The following FLRT1 variants were observed in gnomAD, a reference collection of about 807,000 sequenced individuals.
FLRT1 encodes fibronectin leucine rich transmembrane protein 1.
FLRT1 carries 14 observed loss-of-function variants against 30.9 expected under a neutral mutation model. The ratio of observed to expected loss-of-function variants is 0.45; its 90% confidence interval spans 0.30 to 0.71. The LOEUF is 0.71. Among genes scored for constraint, FLRT1 ranks in the 30% least tolerant of loss-of-function variants. The pLI is 0.08. For synonymous variants in FLRT1, 368 were observed against 430.4 expected (o/e 0.85, Z 1.80); for missense variants, 737 against 949.2 (o/e 0.78, Z 2.94).
chr11:64,040,918 C>T (rs955159464), intron 1 of FLRT1, among the ~76,000 whole-genome samples: 7 of 152,104 alleles, frequency 4.6e-5, no homozygotes, highest in African/African-American at 1.7e-4. Context: ...GGCCAGGCCC[C>T]AGGTGTGGCA....
intron 1 of FLRT1, among the ~76,000 whole-genome samples, chr11:64,041,220 A>G (rs974227381): frequency 6.7e-6 from 1 of 149,098 alleles, no homozygotes; most frequent in Non-Finnish European, 1.5e-5. Flanking sequence ...AAAAAAAAAA[A>G]AAAAAAAAAG....
intron 1 of FLRT1, among the ~76,000 whole-genome samples, chr11:64,089,207 G>A (rs1219647929): frequency 6.6e-6 from 1 of 152,214 alleles, no homozygotes; most frequent in Non-Finnish European, 1.5e-5. Context: ...GCTCTGCTGA[G>A]GGGCTGGCAT....
At chr11:64,046,504 C>A (rs1014186348) in intron 1 of FLRT1, among the ~76,000 whole-genome samples, 1 of 152,172 alleles carries the variant, frequency 6.6e-6, no homozygotes, top group African/African-American at 2.4e-5. Context: ...TGGGACCCTG[C>A]GCTGTGCTCC....
rs1416537873 is a variant in FLRT1, at chr11:64,082,280, T to G, written c.-1037-20914T>G. Among the ~76,000 whole-genome samples, 1 of 151,422 alleles carries G rather than the reference T, an allele frequency of 6.6e-6. No homozygotes were observed. Among genetic ancestry groups the G allele is most frequent in the Non-Finnish European group, 1.5e-5 (1 of 67,848 alleles). ...GGCTGAGCCTGGGGGGTGGAGAAAA[T>G]CTTGCCTCCTGCTCTGAGCAGCCAG... On this transcript the variant is annotated intron_variant, in intron 1 of 2. Coordinates refer to ENST00000682287, the MANE Select transcript of FLRT1 (RefSeq NM_013280.5). The surrounding 1 kb of genome is among the most constrained non-coding windows in gnomAD (Gnocchi z 4.5).
At chr11:64,089,666 G>A (rs1259115643) in intron 1 of FLRT1, among the ~76,000 whole-genome samples, 1 of 152,238 alleles carries the variant, frequency 6.6e-6, no homozygotes, top group Non-Finnish European at 1.5e-5. Flanking sequence ...TGGAGGTGAT[G>A]CCTTGAGAGA....
intron 1 of FLRT1, among the ~76,000 whole-genome samples, chr11:64,040,592 G>A (rs1943465927): frequency 1.3e-5 from 2 of 152,222 alleles, no homozygotes; most frequent in African/African-American, 4.8e-5. Flanking sequence ...CCCTTTTCCC[G>A]AGAGCTGTGT....
chr11:64,091,406 G>T (rs917666715), intron 1 of FLRT1, among the ~76,000 whole-genome samples: 1 of 151,892 alleles, frequency 6.6e-6, no homozygotes, highest in African/African-American at 2.4e-5. Flanking sequence ...GAGGTTGGGG[G>T]GCGGGTGGCA....
At chr11:64,092,616 C>A (rs2134528303) in intron 1 of FLRT1, among the ~76,000 whole-genome samples, 1 of 152,364 alleles carries the variant, frequency 6.6e-6, no homozygotes, top group South Asian at 2.1e-4. Context: ...TCATTCAGCC[C>A]TCACTTGCTG....
At chr11:64,086,249 G>T (rs1048207450) in intron 1 of FLRT1, among the ~76,000 whole-genome samples, 2 of 151,722 alleles carry the variant, frequency 1.3e-5, no homozygotes, top group African/African-American at 4.8e-5. Context: ...CTTGCATTCG[G>T]GGCCAGAGGG....
At chr11:64,106,149 C>T (rs973869245) in intron 2 of FLRT1, among the ~76,000 whole-genome samples, 15 of 152,098 alleles carry the variant, frequency 9.9e-5, no homozygotes, top group African/African-American at 7.2e-5. Flanking sequence ...CTGAGATAGG[C>T]GGTAGGAGAC....
chr11:64,071,620 G>A (rs376155120), intron 1 of FLRT1, among the ~76,000 whole-genome samples: 16 of 152,110 alleles, frequency 1.1e-4, no homozygotes, highest in African/African-American at 3.6e-4. Context: ...AGGTTCTGTC[G>A]TATCACCTCT....
At chr11:64,039,730 C>T (rs1943450032) in intron 1 of FLRT1, among the ~76,000 whole-genome samples, 1 of 152,190 alleles carries the variant, frequency 6.6e-6, no homozygotes, top group African/African-American at 2.4e-5. Flanking sequence ...CTCGAGGCCC[C>T]CAGAGCACTG....
At chr11:64,114,709 A>G (rs139770484) in intron 2 of FLRT1, among the ~76,000 whole-genome samples, 2 of 145,888 alleles carry the variant, frequency 1.4e-5, no homozygotes, top group East Asian at 2.1e-4. Flanking sequence ...ACTGATACAT[A>G]GATGGATGGA....
chr11:64,062,007 C>T (rs1001070232), intron 1 of FLRT1, among the ~76,000 whole-genome samples: 1 of 133,372 alleles, frequency 7.5e-6, no homozygotes, highest in African/African-American at 2.8e-5. Flanking sequence ...CTGTTAGTTA[C>T]TTTCCCAAAC....
At chr11:64,106,185 C>T (rs1263987439) in intron 2 of FLRT1, among the ~76,000 whole-genome samples, 3 of 152,136 alleles carry the variant, frequency 2.0e-5, no homozygotes, top group East Asian at 1.9e-4. Context: ...CTCCAGACAT[C>T]GAGTCTGAGG....
intron 1 of FLRT1, chr11:64,081,712 C>G (rs1169408288): frequency 3.3e-5 from 5 of 152,102 alleles, no homozygotes. Flanking sequence ...GTGGCTGAAG[C>G]CTGTTCCTGC....
At chr11:64,086,060 T>G (rs1361277999) in intron 1 of FLRT1, among the ~76,000 whole-genome samples, 1 of 152,056 alleles carries the variant, frequency 6.6e-6, no homozygotes, top group Non-Finnish European at 1.5e-5. Context: ...CCTCCCTCCC[T>G]ATGGAGCCCT....
intron 1 of FLRT1, among the ~76,000 whole-genome samples, chr11:64,095,464 T>C (rs983064228): frequency 2.0e-5 from 3 of 151,968 alleles, no homozygotes; most frequent in Admixed American, 2.0e-4. Context: ...AGGCAAAAAA[T>C]CCCTTGGCAC....
chr11:64,112,502 G>A (rs1458604972), intron 2 of FLRT1, among the ~76,000 whole-genome samples: 1 of 152,182 alleles, frequency 6.6e-6, no homozygotes, highest in Non-Finnish European at 1.5e-5. Flanking sequence ...GACAGGGCAA[G>A]ACTCCATCTC....
Sources: gnomAD v4.1 joint callset for allele counts (sites outside exome capture counted in the v4.1 genomes callset) on GRCh38, gnomAD v4.1.1 for gene constraint, Gnocchi (gnomAD v3.1) non-coding constraint, MANE v1.5 for transcripts, NCBI Gene and HGNC (gene_info 2026-07-23, HGNC 2026-07-21) for gene names.